The following ARL10 variants were observed in gnomAD, a reference collection of about 807,000 sequenced individuals.
ARL10 encodes the protein ARF like GTPase 10.
A neutral mutation model predicts 26.1 loss-of-function variants in ARL10; 23 were observed. The ratio of observed to expected loss-of-function variants is 0.88; its 90% CI spans 0.63 to 1.25. ARL10 has a LOEUF of 1.25. Among genes scored for constraint, ARL10 ranks in the 50% most tolerant of loss-of-function variants. The pLI is 0.00. For missense variants in ARL10, 300 were observed against 323.6 expected (o/e 0.93, Z 0.56); for synonymous variants, 138 against 149.1 (o/e 0.93, Z 0.54).
chr5:176,397,967 C>A, intron 1 of ARL10: 1 of 1,614,130 alleles, frequency 6.2e-7, no homozygotes, highest in Non-Finnish European at 8.5e-7. Context: ...CCTCTCGCCA[C>A]TTGCGGATGC....
chr5:176,395,053 C>T (rs1380646629), intron 1 of ARL10, among the ~76,000 whole-genome samples: 1 of 152,066 alleles, frequency 6.6e-6, no homozygotes, highest in Non-Finnish European at 1.5e-5. Flanking sequence ...CAACCAGCCC[C>T]AAGCCAACCA....
chr5:176,390,521 C>T (rs1349806468), downstream of ARL10, among the ~76,000 whole-genome samples: 1 of 152,172 alleles, frequency 6.6e-6, no homozygotes, highest in African/African-American at 2.4e-5. Flanking sequence ...CCTCCGCCTC[C>T]CGGGCTCAAG....
Position 176,378,109 on chromosome 5 carries a change from CA to C in ARL10, c.*6215del, listed in dbSNP as rs1487809998. The C allele has an allele frequency of 3.3e-5, 5 of 152,196 alleles. No homozygotes were observed. The highest frequency in any genetic ancestry group is 7.3e-5 in the Non-Finnish European group (5 of 68,046). 9.4% of individuals were successfully genotyped at this position (152,196 alleles called of 1,614,324 possible). ...GAAGTTTCAAGGGCTCAGGAAGGAC[CA>C]GGGGGCCATCTAGGCTCTCCATGAG... On this transcript the variant is annotated 3_prime_UTR_variant, in exon 4 of 4. Transcript: ENST00000310389.
intron 1 of ARL10, among the ~76,000 whole-genome samples, chr5:176,388,024 G>C (rs539349517): frequency 6.6e-6 from 1 of 152,318 alleles, no homozygotes; most frequent in South Asian, 2.1e-4. Flanking sequence ...CTGAGTAGAG[G>C]GGGTATGGGG....
chr5:176,390,719 T>C (rs1756238860), downstream of ARL10, among the ~76,000 whole-genome samples: 1 of 152,182 alleles, frequency 6.6e-6, no homozygotes, highest in South Asian at 2.1e-4. Context: ...AGTGCTGGGA[T>C]TACAGACGTG....
At chr5:176,371,607 G>GTGTT in intron 3 of ARL10, 115 bp from the exon 4 acceptor site, 1 of 668,838 alleles carries the variant, frequency 1.5e-6, no homozygotes, top group Non-Finnish European at 2.7e-6. Context: ...TAAGAACAGT[G>GTGTT]TGTTTCCTGA....
chr5:176,387,591 C>A (rs1156565909), intron 1 of ARL10, among the ~76,000 whole-genome samples: 1 of 150,724 alleles, frequency 6.6e-6, no homozygotes, highest in Admixed American at 6.6e-5. Flanking sequence ...GTGTTATACC[C>A]ATTTTATAGA....
At chr5:176,403,398 T>TC (rs1489982531), downstream of ARL10, among the ~76,000 whole-genome samples, 3 of 151,802 alleles carry the variant, frequency 2.0e-5, no homozygotes, top group Admixed American at 1.3e-4. Context: ...TAAAGGGCTT[T>TC]CTTTAATCTT....
Position 176,372,097 on chromosome 5 carries a change from G to A in ARL10, c.*202G>A. On this transcript the variant is annotated 3_prime_UTR_variant, in exon 4 of 4. Coordinates refer to ENST00000310389, the MANE Select transcript of ARL10 (RefSeq NM_173664.6). ...GAGGTGGCCGTGAAGCCGAAGCAGG[G>A]AGGTGGGTGAGACAGAGGGTGGGGA... 5.6e-6 allele frequency: 8 copies of A among 1,420,672 alleles called. No individual in the cohort carries two copies. The highest frequency in any genetic ancestry group is 6.4e-6 in the Non-Finnish European group (7 of 1,089,778). The allele number at this position is 1,420,672 out of a possible 1,614,324, so 88.0% of individuals were successfully genotyped here.
rs542624985 is a variant in ARL10, at chr5:176,399,836, C to G, written c.134-1905C>G. ...AAGATTGCAGTGAGCAGAGATCGTG[C>G]CACTGCACTCCAGCCTGGGCCACAG... On this transcript the variant is annotated intron_variant, in intron 1 of 1. Coordinates refer to the ARL10 transcript ENST00000514533. Among the ~76,000 whole-genome samples, 16 of 151,514 alleles carry G rather than the reference C, an allele frequency of 1.1e-4. 1 individual carries two copies. In the South Asian group the frequency reaches 2.9e-3, roughly 28 times the overall value.
chr5:176,365,554 GC>G lies in ARL10; in HGVS notation c.-7del. The G allele has an allele frequency of 8.1e-7, 1 of 1,230,118 alleles. No individual in the cohort carries two copies. The highest frequency in any genetic ancestry group is 1.0e-6 in the Non-Finnish European group (1 of 986,798). 76.2% of individuals were successfully genotyped at this position (1,230,118 alleles called of 1,614,324 possible). ...TGTGCAACCCGCACCTGCGTCCCTCGCCCGGCCCGATGGCGCCGCGGCCGCT... is the reference window on the plus strand; with the variant it reads ...TGTGCAACCCGCACCTGCGTCCCTCGCCGGCCCGATGGCGCCGCGGCCGCT... On this transcript the variant is annotated 5_prime_UTR_variant, in exon 1 of 4. Transcript: ENST00000310389.
chr5:176,388,850 G>T (rs1050381457), downstream of ARL10: 1 of 1,614,116 alleles, frequency 6.2e-7, no homozygotes, highest in Non-Finnish European at 8.5e-7. Context: ...GATTCCGGAG[G>T]TCCCCTTTGA....
downstream of ARL10, chr5:176,386,714 G>T: frequency 1.2e-6 from 1 of 835,596 alleles, no homozygotes; most frequent in African/African-American, 1.7e-5. Context: ...TGTGAACTTT[G>T]AACCAGCTCA....
At chr5:176,371,234 G>A (rs1400176651) in intron 3 of ARL10, among the ~76,000 whole-genome samples, 1 of 152,166 alleles carries the variant, frequency 6.6e-6, no homozygotes, top group Non-Finnish European at 1.5e-5. Context: ...AATTAGCCAG[G>A]CGTGGTGGCT....
At chr5:176,395,822 G>T (rs1205454199) in intron 1 of ARL10, among the ~76,000 whole-genome samples, 1 of 152,120 alleles carries the variant, frequency 6.6e-6, no homozygotes, top group Non-Finnish European at 1.5e-5. Flanking sequence ...CCCATGCTCA[G>T]TGTCTGTTTT....
rs1030594327 is a variant in ARL10 at position 176,374,444 on chromosome 5, A to C, written c.*2549A>C. 6.6e-6 allele frequency: 1 copy of C among 152,202 alleles called. No homozygotes were observed. Among genetic ancestry groups the C allele is most frequent in the African/African-American group, 2.4e-5 (1 of 41,448 alleles). 9.4% of individuals were successfully genotyped at this position (152,202 alleles called of 1,614,324 possible). Reference sequence around the variant, plus strand: ...GAGACCATTTGAGGTACAAAGGATGACTGCATTGGTGTACTTAAGACTACA... The same window carrying C: ...GAGACCATTTGAGGTACAAAGGATGCCTGCATTGGTGTACTTAAGACTACA... On this transcript the variant is annotated 3_prime_UTR_variant, in exon 4 of 4. Transcript: ENST00000310389.
At position 176,374,157 on chromosome 5, in the gene ARL10, T is replaced by C. The variant is rs571670794; in HGVS notation, c.*2262T>C. The C allele has an allele frequency of 8.5e-5, 13 of 152,348 alleles. No individual in the cohort carries two copies. The highest frequency in any genetic ancestry group is 3.1e-4 in the African/African-American group (13 of 41,574). The allele number at this position is 152,348 out of a possible 1,614,324, so 9.4% of individuals were successfully genotyped here. Reference sequence around the variant, plus strand: ...AATTCGGCTACTTGTTAGAAGAACATACTTTTAGGTTAGGTTACGAGTTGT... The same window carrying C: ...AATTCGGCTACTTGTTAGAAGAACACACTTTTAGGTTAGGTTACGAGTTGT... On this transcript the variant is annotated 3_prime_UTR_variant, in exon 4 of 4. Coordinates refer to ENST00000310389, the MANE Select transcript of ARL10 (RefSeq NM_173664.6).
At chr5:176,385,181 G>A (rs369158351), downstream of ARL10, 10 of 1,159,082 alleles carry the variant, frequency 8.6e-6, no homozygotes, top group African/African-American at 6.0e-5. Flanking sequence ...AATGGTCCAG[G>A]GCGCCTTCCC....
Position 176,373,037 on chromosome 5 carries a change from C to T in ARL10, c.*1142C>T, listed in dbSNP as rs535128638. ...TTACATGGATTCACATGAACTGAAACGCCACCACTTGGCCCAGGATGTTGA... is the reference window on the plus strand; with the variant it reads ...TTACATGGATTCACATGAACTGAAATGCCACCACTTGGCCCAGGATGTTGA... On this transcript the variant is annotated 3_prime_UTR_variant, in exon 4 of 4. Transcript: ENST00000310389. 7.5e-5 allele frequency: 30 copies of T among 398,610 alleles called. No individual in the cohort carries two copies. Among genetic ancestry groups the T allele is most frequent in the Middle Eastern group, 1.3e-3 (2 of 1,588 alleles). 24.7% of individuals were successfully genotyped at this position (398,610 alleles called of 1,614,324 possible).
Sources: gnomAD v4.1 joint callset for allele counts (sites outside exome capture counted in the v4.1 genomes callset) on GRCh38, gnomAD v4.1.1 for gene constraint, MANE v1.5 for transcripts, NCBI Gene and HGNC (gene_info 2026-07-23, HGNC 2026-07-21) for gene names.